KLF12: variants seen among roughly 807,000 people sequenced by gnomAD.
The protein encoded by KLF12 is KLF transcription factor 12.
In KLF12, 9 loss-of-function variants were observed where a neutral mutation model predicts 37.8. The ratio of observed to expected loss-of-function variants is 0.24; its 90% CI spans 0.14 to 0.42. The LOEUF (loss-of-function observed/expected upper bound fraction) is 0.42, where lower values mean the gene tolerates loss of function less well. KLF12 is among the 10% of genes least tolerant of loss of function. KLF12 has a pLI of 1.00. For synonymous variants in KLF12, 208 were observed against 202.1 expected (o/e 1.03, Z -0.25); for missense variants, 411 against 516.0 (o/e 0.80, Z 1.97).
At chr13:73,738,473 T>A (rs1877696947) in intron 6 of KLF12, among the ~76,000 whole-genome samples, 1 of 152,098 alleles carries the variant, frequency 6.6e-6, no homozygotes, top group Non-Finnish European at 1.5e-5. Context: ...TTTAAGTTCT[T>A]ATTCTACTGT....
the KLF12 span, among the ~76,000 whole-genome samples, chr13:74,304,251 T>C: frequency 6.6e-6 from 1 of 152,162 alleles, no homozygotes; most frequent in East Asian, 1.9e-4. Flanking sequence ...TACTCCACCT[T>C]ATCCATACTG....
At chr13:74,045,307 T>C (rs1301478202) in intron 1 of KLF12, among the ~76,000 whole-genome samples, 2 of 152,190 alleles carry the variant, frequency 1.3e-5, no homozygotes, top group African/African-American at 2.4e-5. Flanking sequence ...ACTTTACCTA[T>C]GTGGTCCTCC....
At chr13:73,988,726 G>A (rs1026413959) in intron 2 of KLF12, among the ~76,000 whole-genome samples, 5 of 152,188 alleles carry the variant, frequency 3.3e-5, no homozygotes, top group African/African-American at 1.2e-4. Context: ...ATGCTCTTCA[G>A]TCAAAGGAAA....
intron 1 of KLF12, among the ~76,000 whole-genome samples, chr13:74,115,120 G>A (rs1254871250): frequency 6.6e-6 from 1 of 152,096 alleles, no homozygotes; most frequent in African/African-American, 2.4e-5. Flanking sequence ...AATTAACAAA[G>A]TTAGTTATCC....
At chr13:74,173,479 C>T in the KLF12 span, among the ~76,000 whole-genome samples, 1 of 152,180 alleles carries the variant, frequency 6.6e-6, no homozygotes, top group African/African-American at 2.4e-5. Context: ...CACTTGTAGG[C>T]TGGGCTCCTA....
At chr13:73,979,512 A>G (rs1002101235) in intron 2 of KLF12, among the ~76,000 whole-genome samples, 10 of 152,168 alleles carry the variant, frequency 6.6e-5, no homozygotes, top group Non-Finnish European at 1.5e-4. Context: ...CAGAAATTTT[A>G]AGAAAAAGAC....
At chr13:73,765,932 G>C (rs1268288287) in intron 5 of KLF12, among the ~76,000 whole-genome samples, 1 of 152,026 alleles carries the variant, frequency 6.6e-6, no homozygotes, top group Non-Finnish European at 1.5e-5. Context: ...TTAGAACCAA[G>C]GTTTGTAAGA....
the KLF12 span, among the ~76,000 whole-genome samples, chr13:74,182,191 G>GA: frequency 4.8e-3 from 729 of 152,246 alleles, 12 homozygotes; most frequent in Non-Finnish European, 1.9e-3. Context: ...ATCTATATTT[G>GA]AAAAGTATAA....
the KLF12 span, among the ~76,000 whole-genome samples, chr13:74,208,503 G>A: frequency 3.2e-4 from 49 of 152,268 alleles, no homozygotes; most frequent in African/African-American, 1.1e-3. Flanking sequence ...TTTTGGAAAT[G>A]ATATTATAAT....
intron 5 of KLF12, among the ~76,000 whole-genome samples, chr13:73,781,342 T>C (rs367561690): frequency 6.6e-6 from 1 of 152,232 alleles, no homozygotes; most frequent in African/African-American, 2.4e-5. Flanking sequence ...GTTTACTTCA[T>C]TGCAGTGGTC....
chr13:73,996,249 C>T (rs4885142), intron 1 of KLF12, among the ~76,000 whole-genome samples: 130,793 of 152,256 alleles, frequency 0.86, 56,501 homozygotes, highest in Non-Finnish European at 0.91. Context: ...TCCAACATTT[C>T]AATATTATAG....
the KLF12 span, among the ~76,000 whole-genome samples, chr13:74,247,492 G>A: frequency 1.3e-5 from 2 of 152,100 alleles, no homozygotes; most frequent in Non-Finnish European, 2.9e-5. Flanking sequence ...AAGATGAAGG[G>A]CCCTAAGTAT....
At chr13:74,277,569 A>G in the KLF12 span, among the ~76,000 whole-genome samples, 1 of 152,212 alleles carries the variant, frequency 6.6e-6, no homozygotes, top group Non-Finnish European at 1.5e-5. Context: ...TGTGAAAATA[A>G]CTGTTAGTAT....
intron 1 of KLF12, among the ~76,000 whole-genome samples, chr13:74,086,736 A>G (rs1296283220): frequency 6.6e-6 from 1 of 152,150 alleles, no homozygotes; most frequent in African/African-American, 2.4e-5. Context: ...TGACTCCCCA[A>G]AAACTTAACT....
chr13:74,282,239 A>G, the KLF12 span, among the ~76,000 whole-genome samples: 1 of 152,180 alleles, frequency 6.6e-6, no homozygotes, highest in Non-Finnish European at 1.5e-5. Flanking sequence ...CCCAAATTCT[A>G]ATTTAATATT....
chr13:73,740,029 T>C (rs866438712), intron 6 of KLF12, among the ~76,000 whole-genome samples: 1 of 152,216 alleles, frequency 6.6e-6, no homozygotes, highest in Non-Finnish European at 1.5e-5. Context: ...TATGGTCTGA[T>C]GTTTATGTCC....
intron 1 of KLF12, among the ~76,000 whole-genome samples, chr13:74,035,021 T>C (rs1211630629): frequency 6.6e-6 from 1 of 152,216 alleles, no homozygotes; most frequent in Non-Finnish European, 1.5e-5. Flanking sequence ...CAGTTTCCTG[T>C]TATATGCTAG....
chr13:73,806,808 G>A (rs1356532977), intron 5 of KLF12, among the ~76,000 whole-genome samples: 1 of 151,962 alleles, frequency 6.6e-6, no homozygotes, highest in African/African-American at 2.4e-5. Flanking sequence ...CCAAAAAGTT[G>A]CCTCTTAGTA....
At chr13:73,721,502 C>CA (rs1876253305) in intron 6 of KLF12, among the ~76,000 whole-genome samples, 1 of 152,180 alleles carries the variant, frequency 6.6e-6, no homozygotes, top group African/African-American at 2.4e-5. Context: ...GATGGGCATT[C>CA]AGTACACTTA....
Sources: allele counts gnomAD v4.1 joint callset (sites outside exome capture counted in the v4.1 genomes callset), GRCh38; gene constraint gnomAD v4.1.1; transcripts MANE v1.5; gene names NCBI Gene and HGNC (gene_info 2026-07-23, HGNC 2026-07-21).